Variants in SOX5 observed in about 807,000 individuals in gnomAD.
SOX5 encodes the protein transcription factor SOX-5.
In SOX5, 9 loss-of-function variants were observed where a neutral mutation model predicts 92.0. The ratio of observed to expected loss-of-function variants is 0.10; its 90% CI spans 0.06 to 0.17. The LOEUF (loss-of-function observed/expected upper bound fraction) is 0.17, where lower values mean the gene tolerates loss of function less well. Among genes scored for constraint, SOX5 ranks in the 10% least tolerant of loss-of-function variants. The pLI, the probability that SOX5 is intolerant of heterozygous loss-of-function variation, is 1.00. For synonymous variants in SOX5, 344 were observed against 336.3 expected, an observed-to-expected ratio of 1.02 and a Z score of -0.25; for missense variants, 642 against 944.5, an observed-to-expected ratio of 0.68 and a Z score of 4.20.
In SOX5 at chr12:24,000,450, C is replaced by T. The variant is rs538443041; in HGVS notation, c.-1-104426G>A. Among the ~76,000 whole-genome samples the T allele has an allele frequency of 9.2e-5, 14 of 151,890 alleles. No homozygotes were observed. In the South Asian group the frequency reaches 2.7e-3, roughly 29 times the overall value. On this transcript the variant is annotated intron_variant, in intron 4 of 4. Coordinates refer to the SOX5 transcript ENST00000446891. ...ATTGAACTATATTGAAGAAAAGTCT[C>T]TATATTTTAAAAAAATTAGGTTAGT...
At chr12:23,563,755 T>C (rs1592102974) in intron 10 of SOX5, among the ~76,000 whole-genome samples, 1 of 152,204 alleles carries the variant, frequency 6.6e-6, no homozygotes, top group East Asian at 1.9e-4. Context: ...ATTTTTAATT[T>C]TTTTTCCTGC....
chr12:23,959,517 T>G (rs1216265362), intron 4 of SOX5, among the ~76,000 whole-genome samples: 1 of 152,010 alleles, frequency 6.6e-6, no homozygotes, highest in African/African-American at 2.4e-5. Context: ...TTACTAACAA[T>G]GGATCAAAAT....
chr12:23,689,933 T>C (rs1389157383), intron 6 of SOX5, among the ~76,000 whole-genome samples: 1 of 152,220 alleles, frequency 6.6e-6, no homozygotes, highest in Non-Finnish European at 1.5e-5. Flanking sequence ...TTCGCATATA[T>C]ACATCCAATT....
At chr12:23,820,638 A>G (rs1419929292) in intron 3 of SOX5, among the ~76,000 whole-genome samples, 3 of 152,218 alleles carry the variant, frequency 2.0e-5, no homozygotes, top group Admixed American at 2.0e-4. Context: ...AGTTTTCTGC[A>G]TATGGCTAGC....
chr12:24,250,827 C>G (rs1016589078), intron 3 of SOX5, among the ~76,000 whole-genome samples: 3 of 152,132 alleles, frequency 2.0e-5, no homozygotes, highest in African/African-American at 4.8e-5. Flanking sequence ...CTACCTTCCC[C>G]ATGGGCTTTC....
intron 3 of SOX5, among the ~76,000 whole-genome samples, chr12:24,263,362 C>T (rs573880759): frequency 6.6e-6 from 1 of 151,536 alleles, no homozygotes; most frequent in South Asian, 2.1e-4. Flanking sequence ...CCCGTCTCTA[C>T]TAAAAACACA....
At position 23,530,814 on chromosome 12, in the gene SOX5, T is replaced by TGCGC. The variant is rs1214673955; in HGVS notation, c.*3404_*3405insGCGC. The stretch of plus-strand genomic sequence containing the variant: ...GTTGGGGCAAGTGTGTGTGTGTGTG[T>TGCGC]GTGTGCGCGCGCGCGCGCGCGCATG... On this transcript the variant is annotated 3_prime_UTR_variant, in exon 15 of 15. Coordinates refer to ENST00000451604, the MANE Select transcript of SOX5 (RefSeq NM_006940.6). 2 of 135,266 alleles carry TGCGC rather than the reference T, an allele frequency of 1.5e-5. No homozygotes were observed. Among genetic ancestry groups the TGCGC allele is most frequent in the African/African-American group, 5.3e-5 (2 of 37,988 alleles). 8.4% of individuals were successfully genotyped at this position (135,266 alleles called of 1,614,324 possible).
intron 3 of SOX5, among the ~76,000 whole-genome samples, chr12:23,774,918 G>T (rs1037641538): frequency 1.3e-5 from 2 of 152,124 alleles, no homozygotes; most frequent in African/African-American, 4.8e-5. Context: ...TTTAAAGAAA[G>T]ATTTTTTTCC....
chr12:24,093,102 G>C (rs1038619237), intron 4 of SOX5, among the ~76,000 whole-genome samples: 1 of 152,104 alleles, frequency 6.6e-6, no homozygotes, highest in Non-Finnish European at 1.5e-5. Flanking sequence ...CTAAAGTTTC[G>C]GAGTGGTCTA....
At chr12:24,186,242 G>A (rs1384185305) in intron 4 of SOX5, among the ~76,000 whole-genome samples, 1 of 152,140 alleles carries the variant, frequency 6.6e-6, no homozygotes, top group East Asian at 1.9e-4. Context: ...ATTCTGAGTA[G>A]TATGAGGTGA....
chr12:23,577,170 C>T (rs1380429257), intron 9 of SOX5, among the ~76,000 whole-genome samples: 23 of 87,724 alleles, frequency 2.6e-4, no homozygotes, highest in African/African-American at 8.3e-4. Flanking sequence ...CACACACACA[C>T]ACACACATAT....
intron 3 of SOX5, among the ~76,000 whole-genome samples, chr12:24,226,163 T>C (rs1366164866): frequency 6.6e-6 from 1 of 152,142 alleles, no homozygotes; most frequent in Non-Finnish European, 1.5e-5. Context: ...TTTTAAAACA[T>C]ATATAATATT....
At chr12:23,773,043 A>T (rs910742843) in intron 3 of SOX5, among the ~76,000 whole-genome samples, 2 of 152,162 alleles carry the variant, frequency 1.3e-5, no homozygotes, top group Admixed American at 6.5e-5. Context: ...TGTAGGAGAA[A>T]CATTATTCTA....
At chr12:24,320,871 A>ATAATAATAAT (rs1555228063) in intron 2 of SOX5, among the ~76,000 whole-genome samples, 1 of 148,224 alleles carries the variant, frequency 6.7e-6, no homozygotes, top group African/African-American at 2.5e-5. Flanking sequence ...TCTCAAAAAA[A>ATAATAATAAT]AATAATAATA....
intron 4 of SOX5, among the ~76,000 whole-genome samples, chr12:24,134,684 G>A (rs1949957289): frequency 1.3e-5 from 2 of 152,148 alleles, no homozygotes; most frequent in African/African-American, 4.8e-5. Context: ...TATTAAGAAT[G>A]AACAATGGGC....
intron 1 of SOX5, among the ~76,000 whole-genome samples, chr12:24,383,556 T>C (rs998011138): frequency 6.6e-6 from 1 of 152,238 alleles, no homozygotes; most frequent in Non-Finnish European, 1.5e-5. Flanking sequence ...CACTCTGTCC[T>C]GCCCAGGACA....
intron 4 of SOX5, among the ~76,000 whole-genome samples, chr12:24,033,463 G>T (rs1055279898): frequency 2.0e-5 from 3 of 151,786 alleles, no homozygotes; most frequent in African/African-American, 4.8e-5. Context: ...AAGTTTCTAG[G>T]CTTTTTATGA....
Position 24,505,832 on chromosome 12 carries a change from T to TGTGTGTGTGTGTGTGTGTGTGTGTGC in SOX5, c.-251+56496_-251+56497insGCACACACACACACACACACACACAC, listed in dbSNP as rs1566333895. 4.2e-3 allele frequency among the ~76,000 whole-genome samples: 557 copies of TGTGTGTGTGTGTGTGTGTGTGTGTGC among 134,120 alleles called. 2 individuals carry two copies. The highest frequency in any genetic ancestry group is 0.015 in the African/African-American group (527 of 34,230). 88.0% of individuals were successfully genotyped at this position (134,120 alleles called of 152,430 possible). A position where few individuals can be genotyped will look rare whatever the true frequency, so the allele number is the denominator to read the frequency against. ...GCCTGGAAGGCCAAGGCTTGGTATG[T>TGTGTGTGTGTGTGTGTGTGTGTGTGC]GTGTGTGTGTGTGTGTGTGTGCGTG... On this transcript the variant is annotated intron_variant, in intron 1 of 4. Transcript: ENST00000446891.
chr12:23,766,193 A>G (rs1295895084), intron 3 of SOX5, among the ~76,000 whole-genome samples: 1 of 152,206 alleles, frequency 6.6e-6, no homozygotes, highest in African/African-American at 2.4e-5. Flanking sequence ...TGCTATAAAA[A>G]TTTCTACTAG....
Sources: allele counts gnomAD v4.1 joint callset (sites outside exome capture counted in the v4.1 genomes callset), GRCh38; gene constraint gnomAD v4.1.1; transcripts MANE v1.5; gene names NCBI Gene and HGNC (gene_info 2026-07-23, HGNC 2026-07-21).